PTPRD: variants seen among roughly 807,000 people sequenced by gnomAD.
PTPRD encodes the protein receptor-type tyrosine-protein phosphatase delta.
Under a neutral mutation model 214.5 loss-of-function variants are expected in PTPRD, and 34 were observed. That is an observed-to-expected ratio of 0.16 (90% CI 0.12 to 0.21). The LOEUF (loss-of-function observed/expected upper bound fraction) is 0.21, where lower values mean the gene tolerates loss of function less well. Among genes scored for constraint, PTPRD ranks in the 10% least tolerant of loss-of-function variants. The probability of loss-of-function intolerance (pLI) is 1.00; values close to 1 mark genes in which losing one functional copy is unlikely to be tolerated. For missense variants in PTPRD, 2,545 were observed against 2,398.7 expected, an observed-to-expected ratio of 1.06 and a Z score of -1.27; for synonymous variants, 1,128 against 845.7, an observed-to-expected ratio of 1.33 and a Z score of -5.79.
At chr9:9,765,092 T>G (rs937288529) in intron 6 of PTPRD, among the ~76,000 whole-genome samples, 3 of 152,182 alleles carry the variant, frequency 2.0e-5, no homozygotes, top group Admixed American at 6.5e-5. Flanking sequence ...GCTGGCTTAT[T>G]TTCTTTGGAT....
At chr9:8,512,255 G>A (rs2097697613) in intron 21 of PTPRD, among the ~76,000 whole-genome samples, 1 of 152,038 alleles carries the variant, frequency 6.6e-6, no homozygotes. Context: ...AGAGTCTGAT[G>A]TGTAAATGCC....
intron 8 of PTPRD, among the ~76,000 whole-genome samples, chr9:9,482,915 G>T (rs1332194): frequency 0.53 from 80,667 of 151,908 alleles, 21,453 homozygotes; most frequent in East Asian, 0.66. Context: ...CTTCTAACAT[G>T]TAGACGCTAC....
intron 8 of PTPRD, among the ~76,000 whole-genome samples, chr9:9,461,050 T>C (rs2093609158): frequency 6.6e-6 from 1 of 152,092 alleles, no homozygotes; most frequent in South Asian, 2.1e-4. Context: ...CGGGCCATTA[T>C]CCTACAGGAA....
intron 10 of PTPRD, among the ~76,000 whole-genome samples, chr9:9,081,932 T>G (rs760273646): frequency 6.6e-6 from 1 of 151,722 alleles, no homozygotes; most frequent in Non-Finnish European, 1.5e-5. Flanking sequence ...AATCCCTGAA[T>G]AGACCATAAC....
intron 39 of PTPRD, among the ~76,000 whole-genome samples, chr9:8,345,437 T>C (rs1856654971): frequency 6.6e-6 from 1 of 152,048 alleles, no homozygotes; most frequent in Non-Finnish European, 1.5e-5. Context: ...TATGGTGACT[T>C]TCCTGTAGAG....
At chr9:9,626,549 G>GAGGA (rs1317114282) in intron 7 of PTPRD, among the ~76,000 whole-genome samples, 1 of 152,140 alleles carries the variant, frequency 6.6e-6, no homozygotes, top group Non-Finnish European at 1.5e-5. Context: ...GGAAAAAGAA[G>GAGGA]AGGAAGGAAG....
intron 4 of PTPRD, among the ~76,000 whole-genome samples, chr9:10,030,123 G>T (rs997417062): frequency 6.6e-6 from 1 of 152,170 alleles, no homozygotes; most frequent in African/African-American, 2.4e-5. Flanking sequence ...ATGTGGCACT[G>T]TAAGTCTCTG....
chr9:9,651,358 AC>A (rs2096343402), intron 7 of PTPRD, among the ~76,000 whole-genome samples: 1 of 152,024 alleles, frequency 6.6e-6, no homozygotes, highest in Non-Finnish European at 1.5e-5. Flanking sequence ...AAGTCTAGTG[AC>A]CATTAGTTAT....
chr9:10,406,962 ACAATAAATGGG>A (rs2098372533), intron 2 of PTPRD, among the ~76,000 whole-genome samples: 1 of 151,612 alleles, frequency 6.6e-6, no homozygotes, highest in African/African-American at 2.4e-5. Flanking sequence ...CTCAGTAGTT[ACAATAAATGGG>A]CAATGTTCAA....
At chr9:8,732,428 AT>A (rs1555230660) in intron 12 of PTPRD, among the ~76,000 whole-genome samples, 1 of 152,244 alleles carries the variant, frequency 6.6e-6, no homozygotes, top group Non-Finnish European at 1.5e-5. Flanking sequence ...AACAAAAATA[AT>A]AAAACCATAG....
chr9:8,481,955 G>T (rs2096896085), intron 30 of PTPRD, among the ~76,000 whole-genome samples: 1 of 151,954 alleles, frequency 6.6e-6, no homozygotes, highest in African/African-American at 2.4e-5. Flanking sequence ...GCTAATTGTT[G>T]TATTTTCAGT....
intron 2 of PTPRD, among the ~76,000 whole-genome samples, chr9:10,387,255 C>T (rs2097933600): frequency 6.6e-6 from 1 of 151,674 alleles, no homozygotes; most frequent in Admixed American, 6.6e-5. Flanking sequence ...AGTCGTTTAA[C>T]AATTTGTACA....
At chr9:10,416,694 A>C (rs150411867) in intron 2 of PTPRD, among the ~76,000 whole-genome samples, 1 of 151,848 alleles carries the variant, frequency 6.6e-6, no homozygotes, top group Non-Finnish European at 1.5e-5. Flanking sequence ...ATCACATATC[A>C]CGGTATCTAG....
At chr9:9,006,646 C>T (rs2099470078) in intron 11 of PTPRD, among the ~76,000 whole-genome samples, 1 of 151,960 alleles carries the variant, frequency 6.6e-6, no homozygotes, top group Admixed American at 6.6e-5. Context: ...CATCTGCCTG[C>T]TGGTCTAACC....
chr9:9,119,616 C>G (rs990692576), intron 10 of PTPRD, among the ~76,000 whole-genome samples: 1 of 151,784 alleles, frequency 6.6e-6, no homozygotes, highest in Admixed American at 6.6e-5. Flanking sequence ...TGCAACCTCC[C>G]AGGTTCAAGC....
At chr9:8,966,822 C>G (rs2099198407) in intron 11 of PTPRD, among the ~76,000 whole-genome samples, 2 of 151,998 alleles carry the variant, frequency 1.3e-5, no homozygotes, top group South Asian at 4.1e-4. Flanking sequence ...AACAGACAAC[C>G]TACAGAAGGG....
chr9:8,912,074 C>G (rs1366044646), intron 11 of PTPRD, among the ~76,000 whole-genome samples: 1 of 152,082 alleles, frequency 6.6e-6, no homozygotes, highest in Non-Finnish European at 1.5e-5. Flanking sequence ...AAATAACATA[C>G]CACTTCAGAA....
intron 5 of PTPRD, among the ~76,000 whole-genome samples, chr9:9,844,432 C>T (rs1016848226): frequency 6.6e-6 from 1 of 151,756 alleles, no homozygotes; most frequent in Non-Finnish European, 1.5e-5. Context: ...GATGGCTGCC[C>T]GGGCTGAGGT....
At chr9:9,712,836 A>G (rs1464482963) in intron 7 of PTPRD, among the ~76,000 whole-genome samples, 1 of 152,242 alleles carries the variant, frequency 6.6e-6, no homozygotes, top group Non-Finnish European at 1.5e-5. Flanking sequence ...CAAAAAGAGA[A>G]AAAACTATTT....
Sources: gnomAD v4.1 joint callset for allele counts (sites outside exome capture counted in the v4.1 genomes callset) on GRCh38, gnomAD v4.1.1 for gene constraint, MANE v1.5 for transcripts, NCBI Gene and HGNC (gene_info 2026-07-23, HGNC 2026-07-21) for gene names.